The following NDST3 variants were observed in gnomAD, a reference collection of about 807,000 sequenced individuals.
NDST3 encodes the protein N-deacetylase and N-sulfotransferase 3.
In NDST3, 58 loss-of-function variants were observed where a neutral mutation model predicts 96.1. That is an observed-to-expected ratio of 0.60 (90% confidence interval 0.49 to 0.75). The LOEUF is 0.75. NDST3 is among the 30% of genes least tolerant of loss of function. The probability of loss-of-function intolerance (pLI) is 0.00; values close to 1 mark genes in which losing one functional copy is unlikely to be tolerated. For missense variants in NDST3, 788 were observed against 1,034.2 expected, an observed-to-expected ratio of 0.76 and a Z score of 3.27; for synonymous variants, 333 against 359.7, an observed-to-expected ratio of 0.93 and a Z score of 0.84.
intron 12 of NDST3, among the ~76,000 whole-genome samples, chr4:118,242,446 G>A (rs1057339884): frequency 6.6e-6 from 1 of 152,126 alleles, no homozygotes; most frequent in African/African-American, 2.4e-5. Context: ...AAATAAATTC[G>A]TAAAGCCTGA....
chr4:118,039,398 T>A (rs536444192), intron 1 of NDST3, among the ~76,000 whole-genome samples: 2 of 152,304 alleles, frequency 1.3e-5, no homozygotes, highest in Admixed American at 6.5e-5. Context: ...TTGTAAAATT[T>A]AGTAGAGGCC....
chr4:118,178,559 C>T (rs900192504), intron 6 of NDST3, among the ~76,000 whole-genome samples: 7 of 152,020 alleles, frequency 4.6e-5, no homozygotes, highest in Non-Finnish European at 8.8e-5. Flanking sequence ...GTATATATCA[C>T]ATTTGGTGTA....
At chr4:118,074,805 T>C (rs1013322993) in intron 2 of NDST3, among the ~76,000 whole-genome samples, 2 of 152,194 alleles carry the variant, frequency 1.3e-5, no homozygotes, top group Admixed American at 6.5e-5. Flanking sequence ...ATATTATGCA[T>C]ACATGATTGT....
chr4:118,248,811 G>A (rs1362430258), intron 12 of NDST3, among the ~76,000 whole-genome samples: 1 of 152,104 alleles, frequency 6.6e-6, no homozygotes, highest in East Asian at 1.9e-4. Context: ...TCTTCATTTG[G>A]GCTCTGAAAT....
At chr4:118,112,613 A>T (rs1307660312) in intron 3 of NDST3, among the ~76,000 whole-genome samples, 1 of 152,180 alleles carries the variant, frequency 6.6e-6, no homozygotes, top group Non-Finnish European at 1.5e-5. Context: ...GAGATGTTTA[A>T]ATGCAGGGAA....
intron 6 of NDST3, among the ~76,000 whole-genome samples, chr4:118,177,149 G>C (rs902804946): frequency 6.6e-6 from 1 of 151,966 alleles, no homozygotes; most frequent in Non-Finnish European, 1.5e-5. Flanking sequence ...TAGGGAAAAT[G>C]TCAGTCTCAC....
At chr4:118,098,891 A>C (rs1729556267) in intron 2 of NDST3, among the ~76,000 whole-genome samples, 1 of 152,200 alleles carries the variant, frequency 6.6e-6, no homozygotes, top group East Asian at 1.9e-4. Flanking sequence ...CAATTTAAAA[A>C]TATAGTTTAA....
At chr4:118,113,143 T>G (rs1730782311) in intron 3 of NDST3, among the ~76,000 whole-genome samples, 1 of 152,296 alleles carries the variant, frequency 6.6e-6, no homozygotes, top group Admixed American at 6.5e-5. Context: ...AAATAGGTAC[T>G]GCTGTCCATC....
chr4:118,201,553 T>C (rs1270049536), intron 6 of NDST3, among the ~76,000 whole-genome samples: 3 of 152,228 alleles, frequency 2.0e-5, no homozygotes. Flanking sequence ...TGAGCATTTT[T>C]TCATGTTTGT....
chr4:118,090,906 T>C (rs923954127), intron 2 of NDST3, among the ~76,000 whole-genome samples: 5 of 151,866 alleles, frequency 3.3e-5, no homozygotes, highest in African/African-American at 1.2e-4. Context: ...AATATGTACA[T>C]AGTTACAATT....
Position 118,253,495 on chromosome 4 carries a change from T to A in NDST3, c.2400-4T>A. On this transcript the variant is annotated splice_region_variant and splice_polypyrimidine_tract_variant and intron_variant, in intron 12 of 13. Coordinates refer to ENST00000296499, the MANE Select transcript of NDST3 (RefSeq NM_004784.3). ...TTTTCTGTGTGTATTCTTTTTTTTTTTAGGTTTGATTCTCATAAAGGTTTC... is the reference window on the plus strand; with the variant it reads ...TTTTCTGTGTGTATTCTTTTTTTTTATAGGTTTGATTCTCATAAAGGTTTC... 6.3e-7 allele frequency: 1 copy of A among 1,580,342 alleles called. No individual in the cohort carries two copies. Among genetic ancestry groups the A allele is most frequent in the Non-Finnish European group, 8.6e-7 (1 of 1,160,890 alleles).
At chr4:118,233,691 TA>T (rs1740459014) in intron 9 of NDST3, among the ~76,000 whole-genome samples, 1 of 152,106 alleles carries the variant, frequency 6.6e-6, no homozygotes, top group Admixed American at 6.6e-5. Context: ...AACAAACACT[TA>T]AAAACTAAAA....
At chr4:118,184,327 G>C (rs746544337) in intron 6 of NDST3, among the ~76,000 whole-genome samples, 2 of 152,034 alleles carry the variant, frequency 1.3e-5, no homozygotes, top group Non-Finnish European at 2.9e-5. Context: ...ATTTAAATCA[G>C]TAGCCTATGA....
intron 2 of NDST3, among the ~76,000 whole-genome samples, chr4:118,095,450 G>A (rs1248283899): frequency 6.6e-6 from 1 of 151,684 alleles, no homozygotes; most frequent in African/African-American, 2.4e-5. Context: ...AAGAGCATAG[G>A]ACATGTATTG....
At chr4:118,241,984 C>T in intron 11 of NDST3, 56 bp from the exon 12 acceptor site, 2 of 1,282,198 alleles carry the variant, frequency 1.6e-6, no homozygotes, top group Non-Finnish European at 2.2e-6. Flanking sequence ...AGAAATTTTT[C>T]ATTATACAGT....
intron 13 of NDST3, among the ~76,000 whole-genome samples, 168 bp downstream of exon 13, chr4:118,253,769 A>G (rs549586779): frequency 6.6e-6 from 1 of 152,318 alleles, no homozygotes; most frequent in East Asian, 1.9e-4. Flanking sequence ...TACCCACAAT[A>G]TATTATTACC....
intron 2 of NDST3, among the ~76,000 whole-genome samples, chr4:118,091,844 A>C (rs964369141): frequency 1.3e-5 from 2 of 151,564 alleles, no homozygotes; most frequent in African/African-American, 2.4e-5. Context: ...TCATTTTATA[A>C]TCTCTACTAT....
At chr4:118,169,963 A>C (rs1560694385) in intron 6 of NDST3, among the ~76,000 whole-genome samples, 2 of 152,032 alleles carry the variant, frequency 1.3e-5, no homozygotes. Flanking sequence ...TGTGATCTTT[A>C]CCGGGGGGCT....
intron 8 of NDST3, among the ~76,000 whole-genome samples, chr4:118,229,398 G>A (rs1740123931): frequency 6.6e-6 from 1 of 152,094 alleles, no homozygotes; most frequent in Admixed American, 6.6e-5. Context: ...ATATAAAACC[G>A]AAGATTTACA....
Sources: allele counts gnomAD v4.1 joint callset (sites outside exome capture counted in the v4.1 genomes callset), GRCh38; gene constraint gnomAD v4.1.1; transcripts MANE v1.5; gene names NCBI Gene and HGNC (gene_info 2026-07-23, HGNC 2026-07-21).